The following HPSE2 variants were observed in gnomAD, a reference collection of about 807,000 sequenced individuals.
HPSE2 encodes the protein inactive heparanase-2.
In HPSE2, 38 loss-of-function variants were observed where a neutral mutation model predicts 60.5. The ratio of observed to expected loss-of-function variants is 0.63; its 90% CI spans 0.48 to 0.82. The LOEUF (loss-of-function observed/expected upper bound fraction) is 0.82. HPSE2 is among the 40% of genes least tolerant of loss of function. The pLI, the probability that HPSE2 is intolerant of heterozygous loss-of-function variation, is 0.00. For missense variants in HPSE2, 713 were observed against 740.4 expected (o/e 0.96, Z 0.43); for synonymous variants, 295 against 293.2 (o/e 1.01, Z -0.06).
intron 3 of HPSE2, among the ~76,000 whole-genome samples, chr10:98,925,896 A>G (rs1954444955): frequency 6.6e-6 from 1 of 152,160 alleles, no homozygotes; most frequent in South Asian, 2.1e-4. Flanking sequence ...ATTAAAGACA[A>G]GAAGAAAACC....
chr10:98,580,238 A>G (rs1382796094), intron 9 of HPSE2, among the ~76,000 whole-genome samples: 1 of 151,894 alleles, frequency 6.6e-6, no homozygotes, highest in Non-Finnish European at 1.5e-5. Context: ...GTTTTCTTTC[A>G]TTCTGCTTGA....
At chr10:99,001,854 C>T (rs1356962683) in intron 3 of HPSE2, among the ~76,000 whole-genome samples, 2 of 152,056 alleles carry the variant, frequency 1.3e-5, no homozygotes, top group East Asian at 3.9e-4. Flanking sequence ...AGAGAATGTT[C>T]TGATCAAGAG....
At chr10:98,578,017 A>G (rs933665392) in intron 9 of HPSE2, among the ~76,000 whole-genome samples, 1 of 152,120 alleles carries the variant, frequency 6.6e-6, no homozygotes. Context: ...ATTTGTTTCT[A>G]TCTGTCCTTG....
At chr10:98,480,111 CAG>C (rs943738228) in intron 11 of HPSE2, among the ~76,000 whole-genome samples, 2 of 143,886 alleles carry the variant, frequency 1.4e-5, no homozygotes, top group Non-Finnish European at 3.0e-5. Context: ...TTTTTTGAGG[CAG>C]AGTCTTGCTC....
chr10:99,275,874 G>T, the HPSE2 span, among the ~76,000 whole-genome samples: 1 of 152,160 alleles, frequency 6.6e-6, no homozygotes, highest in Non-Finnish European at 1.5e-5. Flanking sequence ...TATTGGGAAT[G>T]AAGGGAAGAG....
At position 98,468,886 on chromosome 10, in the gene HPSE2, C is replaced by G. The variant is rs536139522; in HGVS notation, c.1614-9147G>C. ...TATTTGGAGTTCCTTGTCCCTAAGACATTTTGAGGCTGAGAAGTTTATTTG... is the reference window on the plus strand; with the variant it reads ...TATTTGGAGTTCCTTGTCCCTAAGAGATTTTGAGGCTGAGAAGTTTATTTG... On this transcript the variant is annotated intron_variant, in intron 11 of 11. Transcript: ENST00000370552. 5.9e-5 allele frequency among the ~76,000 whole-genome samples: 9 copies of G among 152,258 alleles called. No homozygotes were observed. The South Asian group carries it at 1.9e-3, about 32-fold the overall frequency.
intron 7 of HPSE2, 55 bp from the exon 8 acceptor site, chr10:98,620,763 C>G: frequency 8.7e-7 from 1 of 1,154,278 alleles, no homozygotes; most frequent in Non-Finnish European, 1.3e-6. Context: ...GCTATTCCCA[C>G]ATGAGAAGAA....
At chr10:98,797,844 AAAAAAAC>A (rs1360189342) in intron 3 of HPSE2, among the ~76,000 whole-genome samples, 2 of 151,056 alleles carry the variant, frequency 1.3e-5, no homozygotes, top group Admixed American at 6.6e-5. Flanking sequence ...ACTCCGCCTC[AAAAAAAC>A]AAAAAACAAA....
chr10:98,891,479 CTCTG>C lies in HPSE2; in HGVS notation c.611-147427_611-147424del, dbSNP rs1307050556. Among the ~76,000 whole-genome samples the C allele has an allele frequency of 3.5e-4, 54 of 152,134 alleles. No homozygotes were observed. In the South Asian group the frequency reaches 0.011, roughly 31 times the overall value. On this transcript the variant is annotated intron_variant, in intron 3 of 11. Coordinates refer to ENST00000370552, the MANE Select transcript of HPSE2 (RefSeq NM_021828.5). The stretch of plus-strand genomic sequence containing the variant: ...TTATTTTTAAGTAGAGACAGTATCT[CTCTG>C]TGTGACCCAGGCTGGAATACAGCAG...
At chr10:98,864,267 C>A (rs1160094449) in intron 3 of HPSE2, among the ~76,000 whole-genome samples, 2 of 152,050 alleles carry the variant, frequency 1.3e-5, no homozygotes, top group Non-Finnish European at 2.9e-5. Context: ...CCCCAAGGAC[C>A]CCTTATAGAT....
At chr10:98,789,402 G>A (rs1049352510) in intron 3 of HPSE2, among the ~76,000 whole-genome samples, 1 of 152,210 alleles carries the variant, frequency 6.6e-6, no homozygotes, top group Non-Finnish European at 1.5e-5. Flanking sequence ...CAAATCCTGA[G>A]TAAGAGTCTG....
intron 3 of HPSE2, among the ~76,000 whole-genome samples, chr10:99,055,007 C>T (rs758436456): frequency 2.1e-4 from 32 of 151,928 alleles, no homozygotes; most frequent in African/African-American, 5.6e-4. Flanking sequence ...CCACTGTGCC[C>T]GGCCTACTCT....
intron 9 of HPSE2, among the ~76,000 whole-genome samples, chr10:98,586,819 C>T (rs1335840918): frequency 1.3e-5 from 2 of 152,166 alleles, no homozygotes; most frequent in African/African-American, 4.8e-5. Context: ...GATTCCTCTC[C>T]GGTATCATCA....
In HPSE2 at chr10:98,984,839, C is replaced by A. The variant is rs141574447; in HGVS notation, c.610+159399G>T. 5.2e-3 allele frequency among the ~76,000 whole-genome samples: 795 copies of A among 152,138 alleles called. 5 individuals carry two copies. The highest frequency in any genetic ancestry group is 9.1e-3 in the Non-Finnish European group (620 of 68,014). ...AAACCACGGCACGAGAACTACGTGA[C>A]GAATGCACAAGCGTCAGTAGCCAAT... On this transcript the variant is annotated intron_variant, in intron 3 of 11. Transcript: ENST00000370552.
chr10:98,750,643 T>G (rs367593088), intron 3 of HPSE2, among the ~76,000 whole-genome samples: 2 of 152,016 alleles, frequency 1.3e-5, no homozygotes, highest in Middle Eastern at 3.2e-3. Context: ...AGGATTGGAA[T>G]GTGGTGTGTG....
At chr10:98,988,165 A>G (rs1306321847) in intron 3 of HPSE2, among the ~76,000 whole-genome samples, 2 of 152,226 alleles carry the variant, frequency 1.3e-5, no homozygotes, top group Non-Finnish European at 2.9e-5. Context: ...ATATGGAACC[A>G]AAAAAGAGTC....
In HPSE2 at chr10:99,144,336, T is replaced by C. The variant is rs779927962; in HGVS notation, c.512A>G (p.Asp171Gly). ...CTCCCTTTGGAGCTCCAGCATAACATCAGGGTGCTGGGCAATCTTGCAGCC... is the reference window on the plus strand; with the variant it reads ...CTCCCTTTGGAGCTCCAGCATAACACCAGGGTGCTGGGCAATCTTGCAGCC... ...QKGCKIAQHP[D>G]VMLELQREKA... is the part of the protein sequence containing the mutation. The change falls in exon 3 of 12, where the codon GAT becomes GGT. Residue 171 changes from aspartate (D) to glycine (G), a missense_variant. Coordinates refer to ENST00000370552, the MANE Select transcript of HPSE2 (RefSeq NM_021828.5). 13 of 1,613,930 alleles carry C rather than the reference T, an allele frequency of 8.1e-6. No homozygotes were observed. The highest frequency in any genetic ancestry group is 3.3e-4 in the Middle Eastern group (2 of 6,084).
chr10:99,288,969 C>A, the HPSE2 span, among the ~76,000 whole-genome samples: 1 of 152,102 alleles, frequency 6.6e-6, no homozygotes, highest in African/African-American at 2.4e-5. Flanking sequence ...TATTAGTAAT[C>A]ATTAAAATAC....
chr10:99,250,307 C>A, the HPSE2 span, among the ~76,000 whole-genome samples: 18 of 152,232 alleles, frequency 1.2e-4, no homozygotes, highest in South Asian at 3.7e-3. Flanking sequence ...GCCAGCTAAA[C>A]CTCTTTTCTT....
Sources: allele counts gnomAD v4.1 joint callset (sites outside exome capture counted in the v4.1 genomes callset), GRCh38; gene constraint gnomAD v4.1.1; transcripts MANE v1.5; gene names NCBI Gene and HGNC (gene_info 2026-07-23, HGNC 2026-07-21).